The following DDX60L variants were observed in gnomAD, a reference collection of about 807,000 sequenced individuals.
DDX60L encodes DExD/H-box 60 like, also known as probable ATP-dependent RNA helicase DDX60-like.
DDX60L carries 191 observed loss-of-function variants against 211.6 expected under a neutral mutation model. That is an observed-to-expected ratio of 0.90 (90% CI 0.80 to 1.02). The LOEUF is 1.02. DDX60L is among the 50% of genes least tolerant of loss of function. The pLI, the probability that DDX60L is intolerant of heterozygous loss-of-function variation, is 0.00. For missense variants in DDX60L, 2,007 were observed against 1,984.1 expected, an observed-to-expected ratio of 1.01 and a Z score of -0.22; for synonymous variants, 706 against 694.1, an observed-to-expected ratio of 1.02 and a Z score of -0.27.
intron 36 of DDX60L, among the ~76,000 whole-genome samples, chr4:168,361,593 G>A (rs1339769689): frequency 6.6e-6 from 1 of 152,146 alleles, no homozygotes; most frequent in African/African-American, 2.4e-5. Flanking sequence ...CTAGACCTAA[G>A]AAAAACAGAT....
chr4:168,383,288 A>G (rs769608756), intron 30 of DDX60L, among the ~76,000 whole-genome samples: 3 of 152,232 alleles, frequency 2.0e-5, no homozygotes, highest in Non-Finnish European at 2.9e-5. Flanking sequence ...CTGAAGAGCT[A>G]TTGCTACTGT....
chr4:168,395,071 C>A (rs1488259920), intron 27 of DDX60L, among the ~76,000 whole-genome samples: 2 of 152,158 alleles, frequency 1.3e-5, no homozygotes, highest in Non-Finnish European at 2.9e-5. Context: ...AATGTCCATA[C>A]CCTCATAGCC....
chr4:168,472,085 G>A, intron 3 of DDX60L, 149 bp from the exon 4 acceptor site: 1 of 631,700 alleles, frequency 1.6e-6, no homozygotes, highest in East Asian at 2.8e-5. Context: ...TTAAGCAACT[G>A]TCCTTTATAA....
chr4:168,448,543 G>T, intron 9 of DDX60L, 95 bp downstream of exon 9: 1 of 959,604 alleles, frequency 1.0e-6, no homozygotes, highest in Non-Finnish European at 1.5e-6. Flanking sequence ...AGGTTTTCAA[G>T]AAACAAAAAT....
rs554995383 is a variant in DDX60L at position 168,394,851 on chromosome 4, A to T, written c.3658-234T>A. ...AAACCAAAGGGGAAGATGCTATTGA[A>T]GCAGCAGATCAAATGCCCAGGACAG... On this transcript the variant is annotated intron_variant, in intron 27 of 37. Transcript: ENST00000682922. Among the ~76,000 whole-genome samples the T allele has an allele frequency of 5.3e-5, 8 of 152,366 alleles. No individual in the cohort carries two copies. The South Asian group carries it at 1.0e-3, about 20-fold the overall frequency.
intron 8 of DDX60L, among the ~76,000 whole-genome samples, chr4:168,449,359 G>A (rs11932720): frequency 0.014 from 2,020 of 145,170 alleles, 48 homozygotes; most frequent in African/African-American, 0.049. Context: ...GTAAACTATC[G>A]CAAGATCAAA....
intron 1 of DDX60L, among the ~76,000 whole-genome samples, chr4:168,473,487 A>G (rs1759075210): frequency 1.3e-5 from 2 of 152,136 alleles, no homozygotes; most frequent in South Asian, 4.1e-4. Context: ...TTGAAGATAA[A>G]TGTGACATAG....
chr4:168,460,464 C>T (rs35540213), intron 5 of DDX60L, among the ~76,000 whole-genome samples: 3,731 of 152,302 alleles, frequency 0.024, 68 homozygotes, highest in Non-Finnish European at 0.043. Flanking sequence ...CCTCTAAACA[C>T]ATGGATTTCC....
At chr4:168,416,562 T>G in intron 20 of DDX60L, 120 bp downstream of exon 20, 5 of 553,820 alleles carry the variant, frequency 9.0e-6, no homozygotes, top group East Asian at 3.4e-5. Context: ...GTTTCAAAGA[T>G]TGGGTAATAA....
intron 22 of DDX60L, 133 bp from the exon 23 acceptor site, chr4:168,406,839 G>A: frequency 1.5e-6 from 1 of 645,394 alleles, no homozygotes; most frequent in East Asian, 3.1e-5. Context: ...GCAATCAACT[G>A]TAATATTTCA....
intron 29 of DDX60L, among the ~76,000 whole-genome samples, chr4:168,389,750 C>G (rs1160132564): frequency 6.6e-6 from 1 of 152,012 alleles, no homozygotes; most frequent in Non-Finnish European, 1.5e-5. Context: ...ATGCTTACTT[C>G]TAGTTGGAAG....
At chr4:168,393,969 T>C (rs1201194034) in intron 28 of DDX60L, among the ~76,000 whole-genome samples, 1 of 151,916 alleles carries the variant, frequency 6.6e-6, no homozygotes, top group Admixed American at 6.6e-5. Context: ...CCCAGGTGGG[T>C]GGATCATGAG....
intron 14 of DDX60L, among the ~76,000 whole-genome samples, chr4:168,425,977 T>C (rs1319428898): frequency 6.6e-6 from 1 of 152,172 alleles, no homozygotes; most frequent in East Asian, 1.9e-4. Context: ...TTGGAGACAT[T>C]GATACAGGAG....
chr4:168,472,719 A>G lies in DDX60L; in HGVS notation c.-20T>C. Reference sequence around the variant, plus strand: ...ACCCATCGTTGCTGCTTCTTGGGCTACAGGGTAGAAGAGTAGAGCTGGAAT... The same window carrying G: ...ACCCATCGTTGCTGCTTCTTGGGCTGCAGGGTAGAAGAGTAGAGCTGGAAT... On this transcript the variant is annotated 5_prime_UTR_variant, in exon 2 of 38. Transcript: ENST00000682922. 6.2e-7 allele frequency: 1 copy of G among 1,613,248 alleles called. No individual in the cohort carries two copies. The highest frequency in any genetic ancestry group is 2.2e-5 in the East Asian group (1 of 44,840).
At chr4:168,462,677 G>A (rs565483923) in intron 4 of DDX60L, among the ~76,000 whole-genome samples, 14 of 152,270 alleles carry the variant, frequency 9.2e-5, no homozygotes, top group African/African-American at 3.1e-4. Flanking sequence ...GCTGGGCGCA[G>A]TGGTGGGTGC....
chr4:168,422,402 C>G (rs1750778268), intron 16 of DDX60L, 122 bp downstream of exon 16: 3 of 895,378 alleles, frequency 3.4e-6, no homozygotes, highest in Non-Finnish European at 4.9e-6. Context: ...TCTCCAGGCA[C>G]AGTAGAGGAA....
At chr4:168,360,359 A>AG (rs1225705318) in intron 37 of DDX60L, among the ~76,000 whole-genome samples, 1 of 152,214 alleles carries the variant, frequency 6.6e-6, no homozygotes, top group East Asian at 1.9e-4. Context: ...AAGCCACTTG[A>AG]GGAATCCTTT....
chr4:168,379,273 G>A lies in DDX60L; in HGVS notation c.4363+90C>T, dbSNP rs1742503820. The A allele has an allele frequency of 8.6e-6, 10 of 1,156,282 alleles. No individual in the cohort carries two copies. The African/African-American group carries it at 1.1e-4, about 13-fold the overall frequency. The allele number at this position is 1,156,282 out of a possible 1,614,324, so 71.6% of individuals were successfully genotyped here. On this transcript the variant is annotated intron_variant, in intron 32 of 37. Transcript: ENST00000682922. ...ATTTATTTGCTTTAATAAATGAGAA[G>A]GAGGAAGAAGAGAAAAACATATCTG...
At chr4:168,468,477 T>G (rs1299110331) in intron 4 of DDX60L, among the ~76,000 whole-genome samples, 3 of 152,062 alleles carry the variant, frequency 2.0e-5, no homozygotes, top group Non-Finnish European at 4.4e-5. Flanking sequence ...AAACCTAAAA[T>G]AAGAAGAAAT....
Sources: gnomAD v4.1 joint callset for allele counts (sites outside exome capture counted in the v4.1 genomes callset) on GRCh38, gnomAD v4.1.1 for gene constraint, MANE v1.5 for transcripts, NCBI Gene and HGNC (gene_info 2026-07-23, HGNC 2026-07-21) for gene names.